The following ANKZF1 variants were observed in gnomAD, a reference collection of about 807,000 sequenced individuals.
ANKZF1 encodes tRNA endonuclease ANKZF1.
Under a neutral mutation model 86.0 loss-of-function variants are expected in ANKZF1, and 84 were observed. The ratio of observed to expected loss-of-function variants is 0.98; its 90% CI spans 0.82 to 1.17. The LOEUF is 1.17. ANKZF1 is among the 50% of genes most tolerant of loss of function. ANKZF1 has a pLI of 0.00. For missense variants in ANKZF1, 893 were observed against 918.4 expected, an observed-to-expected ratio of 0.97 and a Z score of 0.36; for synonymous variants, 331 against 354.2, an observed-to-expected ratio of 0.93 and a Z score of 0.74.
chr2:219,232,102 G>A (rs1951057933), intron 3 of ANKZF1, 62 bp downstream of exon 3: 2 of 1,476,272 alleles, frequency 1.4e-6, no homozygotes, highest in Admixed American at 1.9e-5. Context: ...GTGGGGAGAG[G>A]TAGACATTTG....
chr2:219,235,730 A>C lies in ANKZF1; in HGVS notation c.1826A>C (p.Glu609Ala). Reference sequence around the variant, plus strand: ...CAGGTGCCAGGACCATTGACACCAGAAATGGAGGCACGGCAGGCTACACGG... The same window carrying C: ...CAGGTGCCAGGACCATTGACACCAGCAATGGAGGCACGGCAGGCTACACGG... ...KAQVPGPLTP[E>A]MEARQATRKR... The change falls in exon 12 of 14, where the codon GAA (glutamate) becomes GCA (alanine). Residue 609 changes from glutamate to alanine, a missense_variant. Coordinates refer to ENST00000323348, the MANE Select transcript of ANKZF1 (RefSeq NM_018089.3). The C allele has an allele frequency of 6.2e-7, 1 of 1,614,152 alleles. No homozygotes were observed. Among genetic ancestry groups the C allele is most frequent in the South Asian group, 1.1e-5 (1 of 91,086 alleles).
At position 219,233,401 on chromosome 2, in the gene ANKZF1, CT is replaced by C. The variant is rs1951103513; in HGVS notation, c.788del (p.Leu263ArgfsTer81). Reference protein sequence around the residue: ...GGPSHSAGANLRRYNEATLYK... With the variant: ...GGPSHSAGANXRRYNEATLYK... ...GCCATCACACTCTGCTGGAGCCAAC[CT>C]GAGGCGCTACAATGAAGCCACACTA... is the stretch of plus-strand genomic sequence containing the variant. On this transcript the variant is annotated frameshift_variant, in exon 7 of 14. Transcript: ENST00000323348. LOFTEE classifies it high-confidence loss of function. The C allele has an allele frequency of 6.2e-7, 1 of 1,613,844 alleles. No homozygotes were observed. Among genetic ancestry groups the C allele is most frequent in the Admixed American group, 1.7e-5 (1 of 59,980 alleles).
intron 7 of ANKZF1, 50 bp downstream of exon 7, chr2:219,233,483 ATC>A (rs772703825): frequency 3.2e-5 from 49 of 1,523,414 alleles, no homozygotes; most frequent in Non-Finnish European, 6.2e-6. Context: ...CTTTTTTTGC[ATC>A]TCTGTTCAAC....
At chr2:219,231,808 G>T in intron 2 of ANKZF1, 120 bp from the exon 3 acceptor site, 1 of 764,960 alleles carries the variant, frequency 1.3e-6, no homozygotes, top group Middle Eastern at 2.8e-4. Context: ...TTCCTTGAAG[G>T]CAGTATCATG....
chr2:219,230,437 A>G (rs908220954), intron 2 of ANKZF1, 32 bp downstream of exon 2: 8 of 1,585,706 alleles, frequency 5.0e-6, no homozygotes, highest in Admixed American at 3.5e-5. Context: ...GAAACGTGAC[A>G]GGGCTCCTTA....
chr2:219,231,206 A>G (rs965006755), intron 2 of ANKZF1: 1 of 159,826 alleles, frequency 6.3e-6, no homozygotes, highest in Non-Finnish European at 1.4e-5. Context: ...ATTCACCTAA[A>G]CAATCTGTTT....
intron 11 of ANKZF1, 30 bp downstream of exon 11, chr2:219,235,615 T>C (rs762365909): frequency 6.2e-7 from 1 of 1,612,378 alleles, no homozygotes; most frequent in Non-Finnish European, 8.5e-7. Context: ...ACAAGCAGAG[T>C]GGGAAGGCAT....
rs749652753 is a variant in ANKZF1 at position 219,236,058 on chromosome 2, A to G, written c.2020A>G (p.Thr674Ala). The change falls in exon 13 of 14, where the codon ACC becomes GCC. Residue 674 changes from threonine (T) to alanine (A), a missense_variant. Transcript: ENST00000323348. ...RRLAAQLGAP[T>A]SPIPDSAIVN... Reference sequence around the variant, plus strand: ...ACTCGCTGCCCAGTTGGGAGCCCCTACCTCTCCAATCCCTGACTCTGCAAT... The same window carrying G: ...ACTCGCTGCCCAGTTGGGAGCCCCTGCCTCTCCAATCCCTGACTCTGCAAT... 2.1e-5 allele frequency: 34 copies of G among 1,613,876 alleles called. No homozygotes were observed. In the East Asian group the frequency reaches 5.1e-4, roughly 24 times the overall value.
Position 219,235,032 on chromosome 2 carries a change from T to TCATCCCAGGCAGTTGCTG in ANKZF1, c.1413_1430dup (p.Ser472_Ala477dup). The TCATCCCAGGCAGTTGCTG allele has an allele frequency of 6.2e-7, 1 of 1,614,244 alleles. No individual in the cohort carries two copies. Among genetic ancestry groups the TCATCCCAGGCAGTTGCTG allele is most frequent in the Non-Finnish European group, 8.5e-7 (1 of 1,180,056 alleles). On this transcript the variant is annotated inframe_insertion, in exon 10 of 14. Coordinates refer to ENST00000323348, the MANE Select transcript of ANKZF1 (RefSeq NM_018089.3). Reference sequence around the variant, plus strand: ...TCAAGAAGAGGAGCCTTCCACACAGTCATCCCAGGCAGTTGCTGCCCCCTT... The same window carrying TCATCCCAGGCAGTTGCTG: ...TCAAGAAGAGGAGCCTTCCACACAGTCATCCCAGGCAGTTGCTGCATCCCAGGCAGTTGCTGCCCCCTT...
Position 219,234,897 on chromosome 2 carries a change from G to A in ANKZF1, c.1276G>A (p.Asp426Asn). 6.2e-7 allele frequency: 1 copy of A among 1,614,176 alleles called. No individual in the cohort carries two copies. The highest frequency in any genetic ancestry group is 8.5e-7 in the Non-Finnish European group (1 of 1,180,026). Reference sequence around the variant, plus strand: ...AGTGGAGTTGACTGTGGGGACTCTGGATCTTTGTGAGTCTGAAGTATTGCC... The same window carrying A: ...AGTGGAGTTGACTGTGGGGACTCTGAATCTTTGTGAGTCTGAAGTATTGCC... ...ELVELTVGTL[D>N]LCESEVLPKR... Residue 426 changes from aspartate to asparagine, a missense_variant, in exon 10 of 14, where the codon GAT becomes AAT. Coordinates refer to ENST00000323348, the MANE Select transcript of ANKZF1 (RefSeq NM_018089.3).
At chr2:219,231,368 T>G (rs1422104969) in intron 2 of ANKZF1, 1 of 216,622 alleles carries the variant, frequency 4.6e-6, no homozygotes, top group Non-Finnish European at 1.0e-5. Context: ...GGGCCAGTTT[T>G]TATTTACATT....
Position 219,233,818 on chromosome 2 carries a change from G to C in ANKZF1, c.923G>C (p.Gly308Ala), listed in dbSNP as rs1411504743. 6.2e-7 allele frequency: 1 copy of C among 1,614,092 alleles called. No individual in the cohort carries two copies. Among genetic ancestry groups the C allele is most frequent in the East Asian group, 2.2e-5 (1 of 44,882 alleles). Reference sequence around the variant, plus strand: ...CGCTCTGGCCGGTCTTTGTTCTTTGGAGGCAAGGGAGCACCCCTGCAAAGG... The same window carrying C: ...CGCTCTGGCCGGTCTTTGTTCTTTGCAGGCAAGGGAGCACCCCTGCAAAGG... ...APRSGRSLFFGGKGAPLQRGD... is the reference protein window; with the variant it reads ...APRSGRSLFFAGKGAPLQRGD... Residue 308 changes from glycine (G) to alanine (A), a missense_variant, in exon 8 of 14, where the codon GGA (glycine) becomes GCA (alanine). By Grantham distance (60) the Gly-to-Ala change is moderately conservative. Transcript: ENST00000323348.
At position 219,234,167 on chromosome 2, in the gene ANKZF1, A is replaced by G; in HGVS notation, c.1083A>G (p.Ser361=). The G allele has an allele frequency of 1.2e-6, 2 of 1,613,998 alleles. No individual in the cohort carries two copies. The highest frequency in any genetic ancestry group is 1.7e-6 in the Non-Finnish European group (2 of 1,180,002). Residue 361 remains serine (S), a synonymous_variant, in exon 9 of 14, where the codon TCA becomes TCG. Coordinates refer to ENST00000323348, the MANE Select transcript of ANKZF1 (RefSeq NM_018089.3). The part of the protein sequence containing the change: ...EDPREAVRLH[S]PQTHWKTVRE... ...CTCGGGAAGCAGTCAGACTGCACTC[A>G]CCTCAGACACACTGGAAAACAGTAA...
rs1042525022 is a variant in ANKZF1, at chr2:219,234,836, G to A, written c.1215G>A (p.Ser405=). The A allele has an allele frequency of 5.0e-6, 8 of 1,611,050 alleles. No individual in the cohort carries two copies. The highest frequency in any genetic ancestry group is 2.2e-5 in the South Asian group (2 of 90,920). ...CAGGTTTTTCCCTAGGTTCAGGGTC[G>A]GAGGGAGAAGATGGCTTTCAGGTAG... ...NEESPKQGSG[S]EGEDGFQVEL... The change falls in exon 10 of 14, where the codon TCG becomes TCA. Residue 405 remains serine, a synonymous_variant. Transcript: ENST00000323348.
intron 1 of ANKZF1, 128 bp from the exon 2 acceptor site, chr2:219,230,100 C>T (rs1174380731): frequency 4.1e-6 from 3 of 726,908 alleles, no homozygotes; most frequent in African/African-American, 1.8e-5. Context: ...GTATTCATCT[C>T]ACAGTTGGTA....
Position 219,234,196 on chromosome 2 carries a change from A to G in ANKZF1, c.1112A>G (p.Glu371Gly), listed in dbSNP as rs775103160. The G allele has an allele frequency of 6.8e-6, 11 of 1,614,144 alleles. No individual in the cohort carries two copies. In the East Asian group the frequency reaches 2.2e-4, roughly 33 times the overall value. The part of the protein sequence containing the change: ...SPQTHWKTVR[E>G]ERKKPTEEEI... ...CAGACACACTGGAAAACAGTAAGAG[A>G]GGAGAGAAAGAAGCCTACTGAGGAA... Residue 371 changes from glutamate (E) to glycine (G), a missense_variant, in exon 9 of 14, where the codon GAG (glutamate) becomes GGG (glycine). Coordinates refer to ENST00000323348, the MANE Select transcript of ANKZF1 (RefSeq NM_018089.3).
At chr2:219,230,001 C>T in intron 1 of ANKZF1, 101 bp downstream of exon 1, 2 of 393,534 alleles carry the variant, frequency 5.1e-6, no homozygotes, top group Non-Finnish European at 9.2e-6. Flanking sequence ...TGATTTTTAA[C>T]TCTGTTGGAC....
Position 219,235,605 on chromosome 2 carries a change from A to C in ANKZF1, c.1803+20A>C, listed in dbSNP as rs547883726. The C allele has an allele frequency of 3.1e-6, 5 of 1,613,754 alleles. No individual in the cohort carries two copies. In the Admixed American group the frequency reaches 8.3e-5, roughly 27 times the overall value. ...GCTCAGGTCATCTGGAATAGGAAGG[A>C]CAAGCAGAGTGGGAAGGCATCACAG... On this transcript the variant is annotated intron_variant, in intron 11 of 13. Coordinates refer to ENST00000323348, the MANE Select transcript of ANKZF1 (RefSeq NM_018089.3).
intron 7 of ANKZF1, 69 bp from the exon 8 acceptor site, chr2:219,233,646 A>G: frequency 6.6e-7 from 1 of 1,516,314 alleles, no homozygotes; most frequent in Non-Finnish European, 8.9e-7. Context: ...TCTGTGGGCC[A>G]TTTTTTTTAG....
Sources: gnomAD v4.1 joint callset for allele counts on GRCh38, gnomAD v4.1.1 for gene constraint, MANE v1.5 for transcripts, NCBI Gene and HGNC (gene_info 2026-07-23, HGNC 2026-07-21) for gene names.